Variants in CTBP2 observed in about 807,000 individuals in gnomAD.
CTBP2 encodes the protein C-terminal binding protein 2.
Under a neutral mutation model 80.3 loss-of-function variants are expected in CTBP2, and 30 were observed. The ratio of observed to expected loss-of-function variants is 0.37; its 90% confidence interval spans 0.28 to 0.51. CTBP2 has a LOEUF of 0.51. Among genes scored for constraint, CTBP2 ranks in the 20% least tolerant of loss-of-function variants. The probability of loss-of-function intolerance (pLI) is 0.93; values close to 1 mark genes in which losing one functional copy is unlikely to be tolerated. For missense variants in CTBP2, 1,212 were observed against 1,375.3 expected, an observed-to-expected ratio of 0.88 and a Z score of 1.88; for synonymous variants, 594 against 587.4, an observed-to-expected ratio of 1.01 and a Z score of -0.16.
chr10:125,112,273 T>G (rs1280653504), intron 1 of CTBP2, among the ~76,000 whole-genome samples: 1 of 145,088 alleles, frequency 6.9e-6, no homozygotes, highest in East Asian at 2.1e-4. Flanking sequence ...CCACCACACC[T>G]GGCTAATTTT....
At chr10:125,041,691 T>C (rs1255199332) in intron 2 of CTBP2, among the ~76,000 whole-genome samples, 1 of 152,100 alleles carries the variant, frequency 6.6e-6, no homozygotes, top group Non-Finnish European at 1.5e-5. Context: ...AATTAATCAG[T>C]TAATTTTTGT....
At chr10:125,138,870 T>G (rs112480615) in intron 1 of CTBP2, among the ~76,000 whole-genome samples, 1 of 152,166 alleles carries the variant, frequency 6.6e-6, no homozygotes, top group Non-Finnish European at 1.5e-5. Flanking sequence ...CTCGGCTAAC[T>G]GTGCAAAGGA....
At chr10:125,073,433 AG>A (rs1270247385) in intron 2 of CTBP2, among the ~76,000 whole-genome samples, 3 of 152,180 alleles carry the variant, frequency 2.0e-5, no homozygotes, top group Non-Finnish European at 4.4e-5. Flanking sequence ...TAGTAGAGAC[AG>A]GGCTTCACCA....
chr10:125,154,369 A>T (rs1860545564), intron 1 of CTBP2, among the ~76,000 whole-genome samples: 1 of 152,180 alleles, frequency 6.6e-6, no homozygotes, highest in African/African-American at 2.4e-5. Flanking sequence ...CAGGGTTCCC[A>T]TCCTTTAAAC....
intron 2 of CTBP2, among the ~76,000 whole-genome samples, chr10:125,098,708 CAGAGAG>C (rs1850045599): frequency 1.5e-5 from 1 of 65,698 alleles, no homozygotes; most frequent in Non-Finnish European, 2.8e-5. Flanking sequence ...GAGAGAGAGA[CAGAGAG>C]AGAGAGAGAC....
At position 124,993,920 on chromosome 10, in the gene CTBP2, T is replaced by C. The variant is rs1399332589; in HGVS notation, c.2466A>G (p.Ala822=). The change falls in exon 6 of 9, where the codon GCA becomes GCG. Residue 822 remains alanine (A), a synonymous_variant. Coordinates refer to ENST00000309035, the MANE Select transcript of CTBP2 (RefSeq NM_022802.3). ...GTATCCTGCCCTCCTTGAGGGCTTG[T>C]GCTAAGGCTTTCTCGTCCACCAGGC... is the stretch of plus-strand genomic sequence containing the variant. 1 of 1,614,194 alleles carries C rather than the reference T, an allele frequency of 6.2e-7. No individual in the cohort carries two copies. The highest frequency in any genetic ancestry group is 8.5e-7 in the Non-Finnish European group (1 of 1,180,048).
chr10:125,024,984 T>C (rs1004295109), intron 1 of CTBP2, among the ~76,000 whole-genome samples: 31 of 152,122 alleles, frequency 2.0e-4, no homozygotes, highest in African/African-American at 7.0e-4. Context: ...GGAGGTAATA[T>C]TAATAGCACA....
intron 4 of CTBP2, chr10:124,996,411 T>C (rs111984479): frequency 0.087 from 13,291 of 152,130 alleles, 769 homozygotes; most frequent in Admixed American, 0.17. Context: ...GCAGCGACAG[T>C]CCTGAAGGCT....
In CTBP2 at chr10:125,027,579, C is replaced by T; in HGVS notation, c.181G>A (p.Ala61Thr). ...TAGGGCTCGGCGGCCACGGGCAGGG[C>T]AGCGTCCTGTGGTCGGTGGTTTGGC... Residue 61 changes from alanine (A) to threonine (T), a missense_variant, in exon 1 of 9, where the codon GCC becomes ACC. Transcript: ENST00000309035. The T allele has an allele frequency of 6.2e-7, 1 of 1,614,112 alleles. No individual in the cohort carries two copies. The highest frequency in any genetic ancestry group is 8.5e-7 in the Non-Finnish European group (1 of 1,180,036).
chr10:125,090,110 G>A (rs1292617746), intron 2 of CTBP2, among the ~76,000 whole-genome samples: 1 of 151,898 alleles, frequency 6.6e-6, no homozygotes, highest in East Asian at 1.9e-4. Flanking sequence ...GGAGCAAGCA[G>A]AAGCAAAAAG....
chr10:125,002,543 G>C (rs904306531), intron 3 of CTBP2, among the ~76,000 whole-genome samples: 3 of 152,328 alleles, frequency 2.0e-5, no homozygotes, highest in African/African-American at 7.2e-5. Flanking sequence ...ATGTGGACAG[G>C]GGCCTAGAGC....
In CTBP2 at chr10:125,003,045, G is replaced by A. The variant is rs147937735; in HGVS notation, c.1893C>T (p.Asp631=). The change falls in exon 3 of 9, where the codon GAC becomes GAT. Residue 631 remains aspartate (D), a synonymous_variant. Transcript: ENST00000309035. Reference sequence around the variant, plus strand: ...CTCTCAGGGCCTTGAACTTCTCCAGGTCCTCCCTGGTGAGGGTGATGGTGT... The same window carrying A: ...CTCTCAGGGCCTTGAACTTCTCCAGATCCTCCCTGGTGAGGGTGATGGTGT... 1.7e-5 allele frequency: 27 copies of A among 1,613,962 alleles called. No individual in the cohort carries two copies. The African/African-American group carries it at 3.6e-4, about 22-fold the overall frequency.
At chr10:125,048,286 G>T (rs1961767883) in intron 2 of CTBP2, among the ~76,000 whole-genome samples, 1 of 152,122 alleles carries the variant, frequency 6.6e-6, no homozygotes, top group Admixed American at 6.5e-5. Context: ...GCCTTCCAGA[G>T]GCTGCAGAGA....
upstream of CTBP2, chr10:125,160,983 A>T (rs1229556790): frequency 6.7e-6 from 1 of 149,770 alleles, no homozygotes; most frequent in Admixed American, 6.6e-5. Context: ...CGCTGGCCGC[A>T]GCTCCCGGTA....
intron 2 of CTBP2, among the ~76,000 whole-genome samples, chr10:125,050,674 C>CAG (rs1475046114): frequency 2.0e-5 from 3 of 152,202 alleles, no homozygotes; most frequent in Non-Finnish European, 4.4e-5. Flanking sequence ...CGCTGGGGTT[C>CAG]AGCTGTCTTC....
rs903401759 is a variant in CTBP2 at position 125,071,799 on chromosome 10, A to C, written c.-101-32644T>G. ...CAGATACCGTGAAATGCGTACCACCACCCCCAAACATTCCCAAAGCAGACC... is the reference window on the plus strand; with the variant it reads ...CAGATACCGTGAAATGCGTACCACCCCCCCCAAACATTCCCAAAGCAGACC... On this transcript the variant is annotated intron_variant, in intron 2 of 10. Transcript: ENST00000337195. Among the ~76,000 whole-genome samples the C allele has an allele frequency of 1.3e-4, 20 of 151,966 alleles. No homozygotes were observed. In the East Asian group the frequency reaches 3.5e-3, roughly 26 times the overall value.
chr10:125,116,133 C>A (rs1190168175), intron 1 of CTBP2, among the ~76,000 whole-genome samples: 1 of 152,144 alleles, frequency 6.6e-6, no homozygotes, highest in Non-Finnish European at 1.5e-5. Flanking sequence ...TCAGGAGGGG[C>A]CACCGACTCC....
chr10:125,106,905 TGACCCTG>T, intron 2 of CTBP2, among the ~76,000 whole-genome samples: 1 of 152,344 alleles, frequency 6.6e-6, no homozygotes, highest in South Asian at 2.1e-4. Context: ...GACCCCTGTG[TGACCCTG>T]GACCCATGTA....
chr10:125,021,945 G>A (rs183569880), intron 1 of CTBP2, among the ~76,000 whole-genome samples: 1 of 152,362 alleles, frequency 6.6e-6, no homozygotes, highest in East Asian at 1.9e-4. Flanking sequence ...CTACCAGGCT[G>A]GGGTAGGGGC....
Sources: allele counts gnomAD v4.1 joint callset (sites outside exome capture counted in the v4.1 genomes callset), GRCh38; gene constraint gnomAD v4.1.1; transcripts MANE v1.5; gene names NCBI Gene and HGNC (gene_info 2026-07-23, HGNC 2026-07-21).